The following NKAIN1 variants were observed in gnomAD, a reference collection of about 807,000 sequenced individuals.
NKAIN1 encodes the protein sodium/potassium transporting ATPase interacting 1.
NKAIN1 carries 13 observed loss-of-function variants against 31.6 expected under a neutral mutation model. The ratio of observed to expected loss-of-function variants is 0.41; its 90% confidence interval spans 0.27 to 0.65. The LOEUF is 0.65. NKAIN1 is among the 30% of genes least tolerant of loss of function. The probability of loss-of-function intolerance (pLI) is 0.30; values close to 1 mark genes in which losing one functional copy is unlikely to be tolerated. For synonymous variants in NKAIN1, 104 were observed against 109.0 expected, an observed-to-expected ratio of 0.95 and a Z score of 0.28; for missense variants, 193 against 262.2, an observed-to-expected ratio of 0.74 and a Z score of 1.82.
chr1:31,227,930 T>TC (rs1645620297), intron 1 of NKAIN1, among the ~76,000 whole-genome samples: 1 of 151,762 alleles, frequency 6.6e-6, no homozygotes, highest in South Asian at 2.1e-4. Flanking sequence ...CACCTTCCTG[T>TC]CCCCCTGGCC....
At chr1:31,201,641 G>A (rs1314819263) in intron 1 of NKAIN1, among the ~76,000 whole-genome samples, 3 of 152,032 alleles carry the variant, frequency 2.0e-5, no homozygotes, top group African/African-American at 7.2e-5. Flanking sequence ...GATTACAGGC[G>A]TGAGCCACCG....
chr1:31,183,369 C>T lies in NKAIN1; in HGVS notation c.471+448G>A, dbSNP rs140308547. 7.0e-3 allele frequency among the ~76,000 whole-genome samples: 1,023 copies of T among 147,112 alleles called. 6 individuals carry two copies. The highest frequency in any genetic ancestry group is 9.7e-3 in the Non-Finnish European group (653 of 67,480). Reference sequence around the variant, plus strand: ...GGGCTGGGGCAGCGGTGAGGGAAGACGGTACAGGATATGGAAACAGATCCA... The same window carrying T: ...GGGCTGGGGCAGCGGTGAGGGAAGATGGTACAGGATATGGAAACAGATCCA... On this transcript the variant is annotated intron_variant, in intron 4 of 6. Coordinates refer to ENST00000373736, the MANE Select transcript of NKAIN1 (RefSeq NM_024522.3).
intron 3 of NKAIN1, among the ~76,000 whole-genome samples, chr1:31,184,896 T>C (rs1319551962): frequency 1.3e-5 from 2 of 152,148 alleles, no homozygotes; most frequent in Non-Finnish European, 2.9e-5. Flanking sequence ...ACAAAGCGCA[T>C]GGCATTTTCA....
chr1:31,185,643 A>G (rs1047234091), intron 2 of NKAIN1, among the ~76,000 whole-genome samples: 1 of 152,156 alleles, frequency 6.6e-6, no homozygotes, highest in Admixed American at 6.6e-5. Flanking sequence ...AATCCCATCC[A>G]CTGTGCTAAC....
intron 1 of NKAIN1, among the ~76,000 whole-genome samples, chr1:31,200,045 A>ATGCCCG (rs796531844): frequency 5.3e-5 from 8 of 151,344 alleles, no homozygotes; most frequent in African/African-American, 1.9e-4. Context: ...ACACATGCAC[A>ATGCCCG]CGTGCACACA....
intron 1 of NKAIN1, among the ~76,000 whole-genome samples, chr1:31,218,087 G>A (rs1455668124): frequency 1.2e-4 from 7 of 57,154 alleles, no homozygotes; most frequent in African/African-American, 3.5e-4. Context: ...TTTTGAGATG[G>A]AGTCTCGCTC....
At chr1:31,236,278 C>T (rs907482547) in intron 1 of NKAIN1, among the ~76,000 whole-genome samples, 1 of 152,170 alleles carries the variant, frequency 6.6e-6, no homozygotes, top group African/African-American at 2.4e-5. Flanking sequence ...CCCTTAAACC[C>T]CATGGCACCC....
intron 1 of NKAIN1, among the ~76,000 whole-genome samples, chr1:31,219,504 C>T (rs183584353): frequency 5.9e-5 from 9 of 152,250 alleles, no homozygotes; most frequent in Admixed American, 1.3e-4. Flanking sequence ...AGGGTGGGAG[C>T]GTAGGCATAG....
intron 1 of NKAIN1, among the ~76,000 whole-genome samples, chr1:31,227,849 CCT>C (rs1179405763): frequency 1.3e-5 from 2 of 152,200 alleles, no homozygotes; most frequent in South Asian, 2.1e-4. Flanking sequence ...GCTCCTCTCC[CCT>C]GTCCTCCCTG....
chr1:31,201,906 C>T (rs2148355620), intron 1 of NKAIN1, among the ~76,000 whole-genome samples: 1 of 152,312 alleles, frequency 6.6e-6, no homozygotes, highest in East Asian at 1.9e-4. Context: ...AATCTTCCTC[C>T]TCCTCGGGAC....
chr1:31,227,798 T>C (rs1310793823), intron 1 of NKAIN1, among the ~76,000 whole-genome samples: 1 of 152,188 alleles, frequency 6.6e-6, no homozygotes, highest in Non-Finnish European at 1.5e-5. Flanking sequence ...CGGGCCATCC[T>C]GCTCATGGCT....
intron 1 of NKAIN1, among the ~76,000 whole-genome samples, chr1:31,221,745 A>G (rs978992417): frequency 9.2e-5 from 14 of 152,146 alleles, no homozygotes; most frequent in African/African-American, 2.6e-4. Flanking sequence ...GGAAATCCAT[A>G]TTTCAACAAA....
chr1:31,183,982 G>A lies in NKAIN1; in HGVS notation c.306C>T (p.Ser102=), dbSNP rs781098659. 2.5e-6 allele frequency: 4 copies of A among 1,613,996 alleles called. No individual in the cohort carries two copies. The East Asian group carries it at 8.9e-5, about 36-fold the overall frequency. The part of the protein sequence containing the change: ...DRDFIMTFNT[S]LHRSWWMENG... Reference sequence around the variant, plus strand: ...TCTCCATCCACCAGGAGCGGTGCAGGGATGTGTTGAAGGTCATGATGAAGT... The same window carrying A: ...TCTCCATCCACCAGGAGCGGTGCAGAGATGTGTTGAAGGTCATGATGAAGT... Residue 102 remains serine, a synonymous_variant, in exon 4 of 7, where the codon TCC becomes TCT. Transcript: ENST00000373736.
chr1:31,187,894 A>G (rs1645256705), intron 2 of NKAIN1, among the ~76,000 whole-genome samples, 156 bp downstream of exon 2: 1 of 151,830 alleles, frequency 6.6e-6, no homozygotes, highest in Admixed American at 6.6e-5. Context: ...GCAAAGAAGC[A>G]TGGGGCTGTG....
chr1:31,226,411 C>G (rs1270648726), intron 1 of NKAIN1, among the ~76,000 whole-genome samples: 1 of 152,050 alleles, frequency 6.6e-6, no homozygotes, highest in Non-Finnish European at 1.5e-5. Flanking sequence ...CCTTCAAGAT[C>G]AAAGTGAAGT....
intron 1 of NKAIN1, among the ~76,000 whole-genome samples, chr1:31,237,782 C>T (rs1369426647): frequency 6.6e-6 from 1 of 152,072 alleles, no homozygotes; most frequent in African/African-American, 2.4e-5. Context: ...AGGCATAAGC[C>T]ACGATGCCTG....
chr1:31,211,578 T>C, intron 1 of NKAIN1, among the ~76,000 whole-genome samples: 1 of 149,540 alleles, frequency 6.7e-6, no homozygotes, highest in East Asian at 1.9e-4. Context: ...ACAGATTCAA[T>C]GCACTCTATC....
chr1:31,196,617 C>A (rs973130186), intron 1 of NKAIN1, among the ~76,000 whole-genome samples: 1 of 151,374 alleles, frequency 6.6e-6, no homozygotes, highest in Non-Finnish European at 1.5e-5. Flanking sequence ...AATCAACCTC[C>A]ACCAGGAGGT....
Position 31,239,706 on chromosome 1 carries a change from C to A in NKAIN1, c.-159G>T, listed in dbSNP as rs1178007647. On this transcript the variant is annotated 5_prime_UTR_variant, in exon 1 of 7. Coordinates refer to ENST00000373736, the MANE Select transcript of NKAIN1 (RefSeq NM_024522.3). This position sits in a 1 kb window ranked among gnomAD's most constrained non-coding sequence, Gnocchi z 4.8. Reference sequence around the variant, plus strand: ...GCCCGGGAGTGTCCGGTCCCCAAGGCTGGGGCCGGCCGCCCGCGCTCCGAG... The same window carrying A: ...GCCCGGGAGTGTCCGGTCCCCAAGGATGGGGCCGGCCGCCCGCGCTCCGAG... 2.0e-5 allele frequency among the ~76,000 whole-genome samples: 3 copies of A among 149,872 alleles called. No homozygotes were observed. Among genetic ancestry groups the A allele is most frequent in the African/African-American group, 7.3e-5 (3 of 41,130 alleles).
Sources: allele counts gnomAD v4.1 joint callset (sites outside exome capture counted in the v4.1 genomes callset), GRCh38; gene constraint gnomAD v4.1.1; non-coding constraint Gnocchi (gnomAD v3.1); transcripts MANE v1.5; gene names NCBI Gene and HGNC (gene_info 2026-07-23, HGNC 2026-07-21).